The following TCF12 variants were observed in gnomAD, a reference collection of about 807,000 sequenced individuals.
TCF12 encodes transcription factor 12.
A neutral mutation model predicts 86.0 loss-of-function variants in TCF12; 45 were observed. That is an observed-to-expected ratio of 0.52 (90% confidence interval 0.41 to 0.67). The LOEUF (loss-of-function observed/expected upper bound fraction) is 0.67. TCF12 is among the 30% of genes least tolerant of loss of function. The pLI, the probability that TCF12 is intolerant of heterozygous loss-of-function variation, is 0.00. For synonymous variants in TCF12, 330 were observed against 299.6 expected, an observed-to-expected ratio of 1.10 and a Z score of -1.05; for missense variants, 881 against 859.9, an observed-to-expected ratio of 1.02 and a Z score of -0.31.
At chr15:57,122,004 A>G (rs1296660587) in intron 5 of TCF12, among the ~76,000 whole-genome samples, 1 of 150,788 alleles carries the variant, frequency 6.6e-6, no homozygotes, top group African/African-American at 2.4e-5. Context: ...TTATTTGTGT[A>G]TTACATATTT....
intron 3 of TCF12, among the ~76,000 whole-genome samples, chr15:56,958,985 A>G (rs1371584453): frequency 6.6e-6 from 1 of 152,180 alleles, no homozygotes; most frequent in African/African-American, 2.4e-5. Context: ...TTATATGTAT[A>G]TTAGGCTGTC....
intron 3 of TCF12, among the ~76,000 whole-genome samples, chr15:57,003,560 C>T (rs1388736195): frequency 2.0e-5 from 3 of 152,104 alleles, no homozygotes; most frequent in South Asian, 2.1e-4. Flanking sequence ...AATGCAAAAA[C>T]GTGGCACAAA....
chr15:56,928,100 C>G (rs1478991023), intron 3 of TCF12, among the ~76,000 whole-genome samples: 3 of 152,118 alleles, frequency 2.0e-5, no homozygotes, highest in African/African-American at 7.2e-5. Context: ...GCTCAGGAGC[C>G]AGACAACTGG....
intron 5 of TCF12, among the ~76,000 whole-genome samples, chr15:57,151,100 C>A (rs1049420237): frequency 3.1e-4 from 47 of 151,678 alleles, no homozygotes; most frequent in African/African-American, 1.1e-3. Context: ...GCTTCACCCT[C>A]CCAAGTAGCT....
intron 14 of TCF12, 85 bp downstream of exon 14, chr15:57,251,508 G>T: frequency 7.6e-7 from 1 of 1,308,878 alleles, no homozygotes; most frequent in South Asian, 1.2e-5. Context: ...TAAAGAAACA[G>T]TAGGCTAGCA....
intron 5 of TCF12, among the ~76,000 whole-genome samples, chr15:57,162,728 G>C (rs1242411596): frequency 6.6e-6 from 1 of 152,036 alleles, no homozygotes; most frequent in African/African-American, 2.4e-5. Context: ...CTATCATATG[G>C]GTAGCCTCGA....
chr15:57,232,344 C>G lies in TCF12; in HGVS notation c.739C>G (p.Pro247Ala). The change falls in exon 10 of 21, where the codon CCT becomes GCT. Residue 247 changes from proline (P) to alanine (A), a missense_variant. This residue lies in a region of TCF12 where 766 missense variants were observed against 718.9 expected (regional missense o/e 1.07). Transcript: ENST00000333725. ...GAGTTCATCAAATGGGATGAGCCAG[C>G]CTGGTTTTGGTGGAATTCTGGGGAC... ...LWSSSNGMSQ[P>A]GFGGILGTST... The G allele has an allele frequency of 6.2e-7, 1 of 1,613,964 alleles. No homozygotes were observed. The highest frequency in any genetic ancestry group is 1.1e-5 in the South Asian group (1 of 91,080).
chr15:56,923,492 T>G (rs2059881100), intron 3 of TCF12, among the ~76,000 whole-genome samples: 1 of 152,154 alleles, frequency 6.6e-6, no homozygotes, highest in African/African-American at 2.4e-5. Flanking sequence ...GTTCACTTGG[T>G]ATGATAGGCT....
intron 3 of TCF12, among the ~76,000 whole-genome samples, chr15:56,947,513 A>G (rs1257806701): frequency 6.6e-6 from 1 of 152,142 alleles, no homozygotes; most frequent in East Asian, 1.9e-4. Context: ...GTAATCTACA[A>G]ATTGTTTCCA....
rs143201713 is a variant in TCF12 at position 57,025,785 on chromosome 15, A to G, written c.149-37965A>G. ...GTTAGTCACCAGTGTGATGAAACGTAGAATGAAACCTTAAACTGTGTTAAT... is the reference window on the plus strand; with the variant it reads ...GTTAGTCACCAGTGTGATGAAACGTGGAATGAAACCTTAAACTGTGTTAAT... On this transcript the variant is annotated intron_variant, in intron 3 of 20. Transcript: ENST00000333725. Among the ~76,000 whole-genome samples the G allele has an allele frequency of 8.5e-5, 13 of 152,374 alleles. No homozygotes were observed. The East Asian group carries it at 2.5e-3, about 29-fold the overall frequency.
chr15:57,263,759 C>A (rs1359097409), intron 18 of TCF12, among the ~76,000 whole-genome samples: 1 of 152,112 alleles, frequency 6.6e-6, no homozygotes, highest in Admixed American at 6.5e-5. Context: ...GGCTGTATAC[C>A]TGTATACCAT....
chr15:57,248,918 G>A (rs1376296763), intron 13 of TCF12, among the ~76,000 whole-genome samples: 1 of 152,174 alleles, frequency 6.6e-6, no homozygotes, highest in African/African-American at 2.4e-5. Context: ...TGCAAAAGCA[G>A]ATGCATGCTG....
rs191203728 is a variant in TCF12 at position 57,026,068 on chromosome 15, G to A, written c.149-37682G>A. On this transcript the variant is annotated intron_variant, in intron 3 of 20. Coordinates refer to ENST00000333725, the MANE Select transcript of TCF12 (RefSeq NM_207037.2). ...GTAGAAGATAATATAGATTTCTCTG[G>A]TGTTCCTCTAGAACAGAGATAGGAA... Among the ~76,000 whole-genome samples, 16 of 152,308 alleles carry A rather than the reference G, an allele frequency of 1.1e-4. 1 individual carries two copies. The highest frequency in any genetic ancestry group is 4.4e-5 in the Non-Finnish European group (3 of 68,024).
intron 3 of TCF12, among the ~76,000 whole-genome samples, chr15:57,041,399 T>C (rs541205045): frequency 2.2e-4 from 34 of 152,260 alleles, no homozygotes; most frequent in Non-Finnish European, 4.1e-4. Context: ...TTAGGTGTTA[T>C]GTCTATGTTT....
chr15:57,173,568 A>G (rs1451373973), intron 6 of TCF12, among the ~76,000 whole-genome samples: 1 of 152,212 alleles, frequency 6.6e-6, no homozygotes, highest in Non-Finnish European at 1.5e-5. Flanking sequence ...GGTTACTGCT[A>G]TGAATCATAT....
At chr15:57,277,577 C>T (rs566255330) in intron 19 of TCF12, among the ~76,000 whole-genome samples, 12 of 145,136 alleles carry the variant, frequency 8.3e-5, no homozygotes, top group African/African-American at 2.3e-4. Context: ...TGCAATGAGC[C>T]GAGATTGTGC....
rs2062028061 is a variant in TCF12, at chr15:57,289,269, C to G, written c.*3124C>G. On this transcript the variant is annotated 3_prime_UTR_variant, in exon 21 of 21. Transcript: ENST00000333725. ...TTAAACTTGTTAAGTTGATTTTATACAAAACGATAAATAAAAAGCTCTAAG... is the reference window on the plus strand; with the variant it reads ...TTAAACTTGTTAAGTTGATTTTATAGAAAACGATAAATAAAAAGCTCTAAG... 6.6e-6 allele frequency: 1 copy of G among 151,984 alleles called. No homozygotes were observed. Among genetic ancestry groups the G allele is most frequent in the Non-Finnish European group, 1.5e-5 (1 of 67,998 alleles). The allele number at this position is 151,984 out of a possible 1,614,324, so 9.4% of individuals were successfully genotyped here. A position where few individuals can be genotyped will look rare whatever the true frequency, so the allele number is the denominator to read the frequency against.
At position 57,253,579 on chromosome 15, in the gene TCF12, T is replaced by G. The variant is rs1490606923; in HGVS notation, c.1467+111T>G. The G allele has an allele frequency of 2.6e-5, 32 of 1,243,822 alleles. No homozygotes were observed. In the East Asian group the frequency reaches 7.9e-4, roughly 31 times the overall value. 77.0% of individuals were successfully genotyped at this position (1,243,822 alleles called of 1,614,324 possible). ...TTCTGAAAGGAAGGCAAAGACTGAC[T>G]TTTCAGAATTTTCTTTACTGTCTTT... is the stretch of plus-strand genomic sequence containing the variant. On this transcript the variant is annotated intron_variant, in intron 16 of 20. Coordinates refer to ENST00000333725, the MANE Select transcript of TCF12 (RefSeq NM_207037.2).
chr15:57,262,310 A>AT, intron 17 of TCF12, 102 bp downstream of exon 17: 1 of 897,210 alleles, frequency 1.1e-6, no homozygotes. Context: ...ATCAAAAGTC[A>AT]TTGAGGTGAG....
Sources: allele counts gnomAD v4.1 joint callset (sites outside exome capture counted in the v4.1 genomes callset), GRCh38; gene constraint gnomAD v4.1.1; regional missense constraint gnomAD v4.1.1; transcripts MANE v1.5; gene names NCBI Gene and HGNC (gene_info 2026-07-23, HGNC 2026-07-21).